Variants in MAP7D1 observed in about 807,000 individuals in gnomAD.
MAP7D1 encodes the protein MAP7 domain-containing protein 1.
A neutral mutation model predicts 97.5 loss-of-function variants in MAP7D1; 30 were observed. The observed-to-expected ratio is 0.31, with a 90% CI of 0.23 to 0.42. MAP7D1 has a LOEUF of 0.42. Ranked by LOEUF, MAP7D1 falls within the 10% of genes least tolerant of loss-of-function variation. The probability of loss-of-function intolerance (pLI) is 1.00; values close to 1 mark genes in which losing one functional copy is unlikely to be tolerated. For synonymous variants in MAP7D1, 536 were observed against 477.1 expected (o/e 1.12, Z -1.61); for missense variants, 1,184 against 1,179.5 (o/e 1.00, Z -0.06).
intron 5 of MAP7D1, 69 bp downstream of exon 5, chr1:36,173,547 C>A: frequency 8.2e-7 from 1 of 1,225,944 alleles, no homozygotes; most frequent in South Asian, 1.4e-5. Flanking sequence ...AAGGGAACAA[C>A]TTCCCTACAA....
chr1:36,162,458 C>T (rs272826), intron 1 of MAP7D1, among the ~76,000 whole-genome samples: 28,035 of 152,182 alleles, frequency 0.18, 5,993 homozygotes, highest in African/African-American at 0.48. Flanking sequence ...CTACCAGAAA[C>T]AGCATGACAT....
At chr1:36,161,865 GTGTGTGTGTGTA>G (rs1030330455) in intron 1 of MAP7D1, among the ~76,000 whole-genome samples, 1 of 137,722 alleles carries the variant, frequency 7.3e-6, no homozygotes, top group Admixed American at 7.6e-5. Flanking sequence ...TCCTCTGCAT[GTGTGTGTGTGTA>G]TGTGTGTGTG....
In MAP7D1 at chr1:36,180,061, G is replaced by T. The variant is rs1644695968; in HGVS notation, c.2506G>T (p.Val836Phe). ...LKKAVVQSPQ[V>F]TEVL The stretch of plus-strand genomic sequence containing the variant: ...GAAAGCTGTGGTGCAGTCCCCGCAG[G>T]TCACAGGTAGATCTCCTGATTCCTG... Residue 836 changes from valine to phenylalanine, a missense_variant, in exon 16 of 17, where the codon GTC becomes TTC. By Grantham distance (50) the Val-to-Phe change is conservative. Coordinates refer to ENST00000474796, the MANE Select transcript of MAP7D1 (RefSeq NM_001388490.1). 1 of 1,613,616 alleles carries T rather than the reference G, an allele frequency of 6.2e-7. No homozygotes were observed. Among genetic ancestry groups the T allele is most frequent in the African/African-American group, 1.3e-5 (1 of 74,926 alleles).
At chr1:36,172,342 G>A (rs928894776) in intron 3 of MAP7D1, 122 bp from the exon 4 acceptor site, 26 of 968,778 alleles carry the variant, frequency 2.7e-5, no homozygotes, top group Middle Eastern at 7.4e-4. Context: ...CTCCACCTAA[G>A]CAGGCGGGAG....
At position 36,180,520 on chromosome 1, in the gene MAP7D1, G is replaced by C; in HGVS notation, c.*262G>C. 1.8e-6 allele frequency: 1 copy of C among 546,658 alleles called. No homozygotes were observed. The highest frequency in any genetic ancestry group is 3.3e-6 in the Non-Finnish European group (1 of 304,120). The allele number at this position is 546,658 out of a possible 1,614,324, so 33.9% of individuals were successfully genotyped here. A position where few individuals can be genotyped will look rare whatever the true frequency, so the allele number is the denominator to read the frequency against. On this transcript the variant is annotated 3_prime_UTR_variant, in exon 17 of 17. Coordinates refer to ENST00000474796, the MANE Select transcript of MAP7D1 (RefSeq NM_001388490.1). ...CACATATACACTCACAGCCTCTCTG[G>C]CCTCTTCCCTTGGGGAGGGGCCACC...
chr1:36,178,618 A>AG, intron 10 of MAP7D1, 22 bp downstream of exon 10: 1 of 1,559,390 alleles, frequency 6.4e-7, no homozygotes, highest in Non-Finnish European at 8.7e-7. Flanking sequence ...TCGGGGACTG[A>AG]GGGGGCCCTC....
Position 36,176,302 on chromosome 1 carries a change from C to T in MAP7D1, c.954C>T (p.Pro318=), listed in dbSNP as rs745453050. The change falls in exon 7 of 17, where the codon CCC becomes CCT. Residue 318 remains proline, a synonymous_variant. Coordinates refer to ENST00000474796, the MANE Select transcript of MAP7D1 (RefSeq NM_001388490.1). This position sits in a 1 kb window ranked among gnomAD's most constrained non-coding sequence, Gnocchi z 6.1. ...LARSRSAVTL[P]RNGRDQGRGC... ...GGAGTCGCAGCGCGGTCACACTGCCCCGCAACGGCCGGGACCAGGGTAGGG... is the reference window on the plus strand; with the variant it reads ...GGAGTCGCAGCGCGGTCACACTGCCTCGCAACGGCCGGGACCAGGGTAGGG... 5 of 1,570,874 alleles carry T rather than the reference C, an allele frequency of 3.2e-6. No homozygotes were observed. In the South Asian group the frequency reaches 5.8e-5, roughly 18 times the overall value.
intron 12 of MAP7D1, 104 bp from the exon 13 acceptor site, chr1:36,179,158 C>G (rs1644678767): frequency 6.7e-7 from 1 of 1,497,764 alleles, no homozygotes; most frequent in African/African-American, 1.4e-5. Flanking sequence ...GAGAGGGCTG[C>G]TATGAGCTGG....
Position 36,163,102 on chromosome 1 carries a change from G to C in MAP7D1, c.46+6639G>C, listed in dbSNP as rs552915981. Among the ~76,000 whole-genome samples the C allele has an allele frequency of 2.4e-3, 358 of 152,166 alleles. 1 individual carries two copies. The highest frequency in any genetic ancestry group is 7.9e-3 in the African/African-American group (329 of 41,528). On this transcript the variant is annotated intron_variant, in intron 1 of 16. Transcript: ENST00000474796. Reference sequence around the variant, plus strand: ...GGAAAGGACTGCCAGCTCTCAGAGGGTGGAGATGGGGTGTTAGTATTCTGA... The same window carrying C: ...GGAAAGGACTGCCAGCTCTCAGAGGCTGGAGATGGGGTGTTAGTATTCTGA...
intron 3 of MAP7D1, 28 bp downstream of exon 3, chr1:36,171,609 T>A: frequency 6.2e-7 from 1 of 1,612,196 alleles, no homozygotes; most frequent in Non-Finnish European, 8.5e-7. Flanking sequence ...CTCATCATCT[T>A]CTTCATCGTC....
chr1:36,179,005 G>C lies in MAP7D1; in HGVS notation c.2110G>C (p.Glu704Gln), dbSNP rs1211241973. The change falls in exon 12 of 17, where the codon GAG becomes CAG. Residue 704 changes from glutamate (E) to glutamine (Q), a missense_variant. Transcript: ENST00000474796. ...AAAGCACTTCCAGCAGCAGGAGCAAGAGCGGCAAGAGCGCAGAAAGGTGTG... is the reference window on the plus strand; with the variant it reads ...AAAGCACTTCCAGCAGCAGGAGCAACAGCGGCAAGAGCGCAGAAAGGTGTG... ...REKHFQQQEQ[E>Q]RQERRKRLEE... is the part of the protein sequence containing the mutation. 6.4e-7 allele frequency: 1 copy of C among 1,554,902 alleles called. No homozygotes were observed. The highest frequency in any genetic ancestry group is 1.9e-5 in the Admixed American group (1 of 51,372).
chr1:36,156,473 G>T lies in MAP7D1; in HGVS notation c.46+10G>T, dbSNP rs771901097. 1.9e-5 allele frequency: 27 copies of T among 1,454,378 alleles called. No homozygotes were observed. In the Middle Eastern group the frequency reaches 7.7e-4, roughly 42 times the overall value. The allele number at this position is 1,454,378 out of a possible 1,614,324, so 90.1% of individuals were successfully genotyped here. Reference sequence around the variant, plus strand: ...GCGGGCGCACCCCCAGGTATGCCGGGAGCCACGCGGAGGCGAGATGGGGGT... The same window carrying T: ...GCGGGCGCACCCCCAGGTATGCCGGTAGCCACGCGGAGGCGAGATGGGGGT... On this transcript the variant is annotated intron_variant, in intron 1 of 16. Transcript: ENST00000474796.
rs1478422443 is a variant in MAP7D1 at position 36,177,873 on chromosome 1, C to G, written c.1380C>G (p.Ser460Arg). The change falls in exon 9 of 17, where the codon AGC (serine) becomes AGG (arginine). Residue 460 changes from serine to arginine, a missense_variant and splice_region_variant. Physicochemically the swap from Ser to Arg is moderately radical, Grantham distance 110. Transcript: ENST00000474796. ...CCTTCCCTTTTCCCTTTTCTCTTAG[C>G]CCCAAATCCAAGGCCAGGCCATCCT... ...RLSASTASEL[S>R]PKSKARPSSP... The G allele has an allele frequency of 1.3e-6, 2 of 1,530,542 alleles. No homozygotes were observed. Among genetic ancestry groups the G allele is most frequent in the South Asian group, 1.3e-5 (1 of 78,246 alleles). The allele number at this position is 1,530,542 out of a possible 1,614,324, so 94.8% of individuals were successfully genotyped here.
At chr1:36,163,809 CT>C (rs1342528613) in intron 1 of MAP7D1, among the ~76,000 whole-genome samples, 132 of 122,330 alleles carry the variant, frequency 1.1e-3, no homozygotes, top group South Asian at 4.8e-3. Flanking sequence ...TAGATATATA[CT>C]TTTTTTCTTT....
At chr1:36,158,710 T>C (rs1249077213) in intron 1 of MAP7D1, among the ~76,000 whole-genome samples, 1 of 152,212 alleles carries the variant, frequency 6.6e-6, no homozygotes, top group Admixed American at 6.5e-5. Context: ...TAAAGTGTTA[T>C]TACCATTATT....
At position 36,171,176 on chromosome 1, in the gene MAP7D1, A is replaced by G. The variant is rs772277110; in HGVS notation, c.252A>G (p.Glu84=). The G allele has an allele frequency of 2.0e-5, 33 of 1,613,934 alleles. 1 individual carries two copies. The South Asian group carries it at 3.2e-4, about 16-fold the overall frequency. The change falls in exon 2 of 17, where the codon GAA becomes GAG. Residue 84 remains glutamate, a synonymous_variant. Transcript: ENST00000474796. Reference sequence around the variant, plus strand: ...GGCCTAGGCCAGCCCCCCCGCAGGAAGAGTCCCCTTCCTCTGAAGCAAAGA... The same window carrying G: ...GGCCTAGGCCAGCCCCCCCGCAGGAGGAGTCCCCTTCCTCTGAAGCAAAGA... The part of the protein sequence containing the change: ...QVGPRPAPPQ[E]ESPSSEAKSR...
chr1:36,161,570 A>G (rs1256468496), intron 1 of MAP7D1, among the ~76,000 whole-genome samples: 1 of 152,244 alleles, frequency 6.6e-6, no homozygotes, highest in Non-Finnish European at 1.5e-5. Context: ...GGCAAAGGTT[A>G]AATGAACTAA....
chr1:36,179,428 G>GC, intron 13 of MAP7D1, 87 bp from the exon 14 acceptor site: 1 of 1,574,048 alleles, frequency 6.4e-7, no homozygotes. Flanking sequence ...GGCCGCTGCG[G>GC]CCCGGGCAAG....
Position 36,176,333 on chromosome 1 carries a change from G to C in MAP7D1, c.985G>C (p.Asp329His), listed in dbSNP as rs1352308045. The stretch of plus-strand genomic sequence containing the variant: ...CGGCCGGGACCAGGGTAGGGGCTGC[G>C]ACCCTGGGAGAGGCCCCACGTGGGG... ...RNGRDQGRGC[D>H]PGRGPTWGRA... The change falls in exon 7 of 17, where the codon GAC (aspartate) becomes CAC (histidine). Residue 329 changes from aspartate to histidine, a missense_variant. Physicochemically the swap from Asp to His is moderately conservative, Grantham distance 81. Coordinates refer to ENST00000474796, the MANE Select transcript of MAP7D1 (RefSeq NM_001388490.1). The surrounding 1 kb of genome is among the most constrained non-coding windows in gnomAD (Gnocchi z 6.1). The C allele has an allele frequency of 1.0e-5, 16 of 1,532,692 alleles. No individual in the cohort carries two copies. Among genetic ancestry groups the C allele is most frequent in the Admixed American group, 2.0e-5 (1 of 49,394 alleles). The allele number at this position is 1,532,692 out of a possible 1,614,324, so 94.9% of individuals were successfully genotyped here.
Sources: gnomAD v4.1 joint callset for allele counts (sites outside exome capture counted in the v4.1 genomes callset) on GRCh38, gnomAD v4.1.1 for gene constraint, Gnocchi (gnomAD v3.1) non-coding constraint, MANE v1.5 for transcripts, NCBI Gene and HGNC (gene_info 2026-07-23, HGNC 2026-07-21) for gene names.